SAC3D1: variants seen among roughly 807,000 people sequenced by gnomAD.
SAC3D1 encodes the protein SAC3 domain-containing protein 1.
Under a neutral mutation model 12.7 loss-of-function variants are expected in SAC3D1, and 10 were observed. The ratio of observed to expected loss-of-function variants is 0.79; its 90% CI spans 0.49 to 1.34. SAC3D1 has a LOEUF of 1.34. Ranked by LOEUF, SAC3D1 falls within the 40% of genes most tolerant of loss-of-function variation. SAC3D1 has a pLI of 0.00. For missense variants in SAC3D1, 482 were observed against 531.1 expected, an observed-to-expected ratio of 0.91 and a Z score of 0.91; for synonymous variants, 241 against 250.8, an observed-to-expected ratio of 0.96 and a Z score of 0.37.
At chr11:65,041,997 C>T in intron 1 of SAC3D1, 131 bp downstream of exon 1, 1 of 1,185,362 alleles carries the variant, frequency 8.4e-7, no homozygotes, top group East Asian at 3.3e-5. Context: ...CAAGATCCAC[C>T]GAGCCCCGAC....
rs1346764632 is a variant in SAC3D1, at chr11:65,041,565, CA to C, written c.274del (p.Ile92SerfsTer43). The C allele has an allele frequency of 5.4e-6, 8 of 1,478,486 alleles. No homozygotes were observed. Among genetic ancestry groups the C allele is most frequent in the Non-Finnish European group, 7.1e-6 (8 of 1,120,336 alleles). 91.6% of individuals were successfully genotyped at this position (1,478,486 alleles called of 1,614,324 possible). A position where few individuals can be genotyped will look rare whatever the true frequency, so the allele number is the denominator to read the frequency against. On this transcript the variant is annotated frameshift_variant, in exon 1 of 2. Coordinates refer to ENST00000652489, the MANE Select transcript of SAC3D1 (RefSeq NM_013299.4). LOFTEE classifies it high-confidence loss of function. ...LAGEVAESADIARAEVASFVA... is the reference protein window; with the variant it reads ...LAGEVAESADXARAEVASFVA... ...CCGGTGAGGTGGCGGAGAGCGCCGA[CA>C]TCGCCCGCGCCGAGGTGGCCAGCTT...
chr11:65,044,282 C>T lies in SAC3D1; in HGVS notation c.632C>T (p.Pro211Leu), dbSNP rs374078001. The change falls in exon 2 of 2, where the codon CCG becomes CTG. Residue 211 changes from proline (P) to leucine (L), a missense_variant. By Grantham distance (98) the Pro-to-Leu change is moderately conservative (BLOSUM62 -3). Around this residue, in one of 3 missense-constraint regions of SAC3D1, gnomAD observed 225 missense variants for 241.1 expected, o/e 0.93. Transcript: ENST00000652489. This position sits in a 1 kb window ranked among gnomAD's most constrained non-coding sequence, Gnocchi z 4.0. ...CTGCCTGCTGCCCTGCGCGCCTGCC[C>T]GCCCCTCCGCAAGGCCTTGGCGGTA... The part of the protein sequence containing the change: ...LQLPAALRAC[P>L]PLRKALAVDA... 1.2e-5 allele frequency: 19 copies of T among 1,613,248 alleles called. No homozygotes were observed. Among genetic ancestry groups the T allele is most frequent in the African/African-American group, 4.0e-5 (3 of 75,078 alleles).
chr11:65,044,672 T>C lies in SAC3D1; in HGVS notation c.1022T>C (p.Val341Ala), dbSNP rs1590751940. The change falls in exon 2 of 2, where the codon GTG becomes GCG. Residue 341 changes from valine to alanine, a missense_variant. Transcript: ENST00000652489. This position sits in a 1 kb window ranked among gnomAD's most constrained non-coding sequence, Gnocchi z 4.0. ...SKLRGRTLEE[V>A]VMAEEEDEGT... ...CTTCGAGGACGTACCCTGGAGGAGGTGGTCATGGCAGAGGAGGAAGATGAG... is the reference window on the plus strand; with the variant it reads ...CTTCGAGGACGTACCCTGGAGGAGGCGGTCATGGCAGAGGAGGAAGATGAG... 4.3e-6 allele frequency: 7 copies of C among 1,613,292 alleles called. No homozygotes were observed. The highest frequency in any genetic ancestry group is 5.9e-6 in the Non-Finnish European group (7 of 1,179,948).
chr11:65,043,001 A>G (rs1033298517), intron 1 of SAC3D1: 5 of 424,624 alleles, frequency 1.2e-5, no homozygotes, highest in African/African-American at 1.0e-4. Flanking sequence ...ACACCCGGCT[A>G]ACTTAAAAAA....
In SAC3D1 at chr11:65,041,573, G is replaced by T. The variant is rs974486034; in HGVS notation, c.281G>T (p.Arg94Leu). The T allele has an allele frequency of 6.8e-7, 1 of 1,477,932 alleles. No homozygotes were observed. Among genetic ancestry groups the T allele is most frequent in the East Asian group, 2.9e-5 (1 of 34,298 alleles). 91.6% of individuals were successfully genotyped at this position (1,477,932 alleles called of 1,614,324 possible). The change falls in exon 1 of 2, where the codon CGC becomes CTC. Residue 94 changes from arginine (R) to leucine (L), a missense_variant. Arg to Leu is a moderately radical substitution (Grantham distance 102). Coordinates refer to ENST00000652489, the MANE Select transcript of SAC3D1 (RefSeq NM_013299.4). Reference sequence around the variant, plus strand: ...GTGGCGGAGAGCGCCGACATCGCCCGCGCCGAGGTGGCCAGCTTCGTGGCA... The same window carrying T: ...GTGGCGGAGAGCGCCGACATCGCCCTCGCCGAGGTGGCCAGCTTCGTGGCA... ...GEVAESADIA[R>L]AEVASFVADR...
chr11:65,041,623 G>C lies in SAC3D1; in HGVS notation c.331G>C (p.Asp111His), dbSNP rs1281627960. ...AGACCGCTTGCGAGCTGTGCTCCTG[G>C]ACCTGGCGCTGCAGGGAGCGGGCGA... ...VADRLRAVLLDLALQGAGDAE... is the reference protein window; with the variant it reads ...VADRLRAVLLHLALQGAGDAE... The change falls in exon 1 of 2, where the codon GAC becomes CAC. Residue 111 changes from aspartate (D) to histidine (H), a missense_variant. This residue lies in a region of SAC3D1 where 197 missense variants were observed against 183.2 expected (regional missense o/e 1.08). Transcript: ENST00000652489. 11 of 1,459,858 alleles carry C rather than the reference G, an allele frequency of 7.5e-6. 1 individual carries two copies. The highest frequency in any genetic ancestry group is 2.3e-4 in the Middle Eastern group (1 of 4,344). 90.4% of individuals were successfully genotyped at this position (1,459,858 alleles called of 1,614,324 possible). A position where few individuals can be genotyped will look rare whatever the true frequency, so the allele number is the denominator to read the frequency against.
chr11:65,042,417 C>T (rs1946626274), intron 1 of SAC3D1, among the ~76,000 whole-genome samples: 1 of 151,092 alleles, frequency 6.6e-6, no homozygotes, highest in South Asian at 2.1e-4. Flanking sequence ...CTTTTAACCT[C>T]CCCGCCCAGT....
At position 65,044,339 on chromosome 11, in the gene SAC3D1, G is replaced by C; in HGVS notation, c.689G>C (p.Arg230Pro). 6.2e-7 allele frequency: 1 copy of C among 1,613,386 alleles called. No homozygotes were observed. The highest frequency in any genetic ancestry group is 8.5e-7 in the Non-Finnish European group (1 of 1,180,010). Reference protein sequence around the residue: ...DAAFREGNAARLFRLLQTLPY... With the variant: ...DAAFREGNAAPLFRLLQTLPY... ...GCCTTCCGAGAGGGCAATGCTGCCC[G>C]CCTGTTCCGTCTGCTCCAGACCCTG... The change falls in exon 2 of 2, where the codon CGC becomes CCC. Residue 230 changes from arginine to proline, a missense_variant. By Grantham distance (103) the Arg-to-Pro change is moderately radical. This residue lies in a region of SAC3D1 where 225 missense variants were observed against 241.1 expected (regional missense o/e 0.93). Transcript: ENST00000652489. The surrounding 1 kb of genome is among the most constrained non-coding windows in gnomAD (Gnocchi z 4.0).
chr11:65,041,137 C>G, upstream of SAC3D1: 1 of 754,722 alleles, frequency 1.3e-6, no homozygotes, highest in South Asian at 1.6e-5. Flanking sequence ...CGATGGGCGG[C>G]CCGAAGGCCG....
chr11:65,041,548 G>A lies in SAC3D1; in HGVS notation c.256G>A (p.Val86Met). 1 of 1,476,810 alleles carries A rather than the reference G, an allele frequency of 6.8e-7. No homozygotes were observed. The highest frequency in any genetic ancestry group is 8.9e-7 in the Non-Finnish European group (1 of 1,119,724). 91.5% of individuals were successfully genotyped at this position (1,476,810 alleles called of 1,614,324 possible). A position where few individuals can be genotyped will look rare whatever the true frequency, so the allele number is the denominator to read the frequency against. ...CACCGTGCGCTACCTGGCCGGTGAG[G>A]TGGCGGAGAGCGCCGACATCGCCCG... is the stretch of plus-strand genomic sequence containing the variant. ...LATVRYLAGEVAESADIARAE... is the reference protein window; with the variant it reads ...LATVRYLAGEMAESADIARAE... The change falls in exon 1 of 2, where the codon GTG (valine) becomes ATG (methionine). Residue 86 changes from valine to methionine, a missense_variant. This residue lies in a region of SAC3D1 where 197 missense variants were observed against 183.2 expected (regional missense o/e 1.08). Transcript: ENST00000652489.
rs1946598078 is a variant in SAC3D1 at position 65,041,487 on chromosome 11, G to A, written c.195G>A (p.Pro65=). 2 of 1,471,516 alleles carry A rather than the reference G, an allele frequency of 1.4e-6. No homozygotes were observed. The highest frequency in any genetic ancestry group is 8.9e-7 in the Non-Finnish European group (1 of 1,118,014). 91.2% of individuals were successfully genotyped at this position (1,471,516 alleles called of 1,614,324 possible). A position where few individuals can be genotyped will look rare whatever the true frequency, so the allele number is the denominator to read the frequency against. The change falls in exon 1 of 2, where the codon CCG becomes CCA. Residue 65 remains proline (P), a synonymous_variant. Transcript: ENST00000652489. The part of the protein sequence containing the change: ...SRPAAGKPRP[P]PSQLRPPSVL... ...CCGCCGCCGGCAAGCCCCGGCCCCC[G>A]CCCAGCCAGTTGCGTCCGCCCTCCG...
Position 65,044,826 on chromosome 11 carries a change from G to A in SAC3D1, c.*99G>A. 7.6e-7 allele frequency: 1 copy of A among 1,310,694 alleles called. No homozygotes were observed. The highest frequency in any genetic ancestry group is 1.0e-6 in the Non-Finnish European group (1 of 974,518). 81.2% of individuals were successfully genotyped at this position (1,310,694 alleles called of 1,614,324 possible). A position where few individuals can be genotyped will look rare whatever the true frequency, so the allele number is the denominator to read the frequency against. ...GTAATAAAAGGAACTTGTTTTGTTG[G>A]TACCAGTCACTAGATGTGATTTATT... On this transcript the variant is annotated 3_prime_UTR_variant, in exon 2 of 2. Coordinates refer to ENST00000652489, the MANE Select transcript of SAC3D1 (RefSeq NM_013299.4). This position sits in a 1 kb window ranked among gnomAD's most constrained non-coding sequence, Gnocchi z 4.0.
chr11:65,042,243 G>A (rs1334767500), intron 1 of SAC3D1, among the ~76,000 whole-genome samples: 4 of 151,870 alleles, frequency 2.6e-5, no homozygotes, highest in African/African-American at 7.3e-5. Flanking sequence ...GATCACAGGC[G>A]CGCGCCACCA....
At chr11:65,041,175 A>C (rs10160811), upstream of SAC3D1, 921,140 of 1,013,266 alleles carry the variant, frequency 0.91, 419,675 homozygotes, top group East Asian at 0.94. Flanking sequence ...GCGGGCCCAG[A>C]CAGGTTCAGC....
chr11:65,041,265 G>A lies in SAC3D1; in HGVS notation c.-28G>A. On this transcript the variant is annotated 5_prime_UTR_variant, in exon 1 of 2. Transcript: ENST00000652489. ...AGCACTGCCGTCCCCGGGATGCTGA[G>A]CGCCCACCGTCTCCCCGCAGCCCCC... 1 of 1,488,160 alleles carries A rather than the reference G, an allele frequency of 6.7e-7. No individual in the cohort carries two copies. Among genetic ancestry groups the A allele is most frequent in the Non-Finnish European group, 8.9e-7 (1 of 1,126,918 alleles). 92.2% of individuals were successfully genotyped at this position (1,488,160 alleles called of 1,614,324 possible).
At position 65,043,615 on chromosome 11, in the gene SAC3D1, C is replaced by CAAAAAAAAAA. The variant is rs58109119; in HGVS notation, c.575-591_575-582dup. On this transcript the variant is annotated intron_variant, in intron 1 of 1. Transcript: ENST00000652489. ...CCTGGGTGACAAAGCAAGTCTGTCT[C>CAAAAAAAAAA]AAAAAAAAAAAAAAAAAAAAAAAAA... Among the ~76,000 whole-genome samples the CAAAAAAAAAA allele has an allele frequency of 2.0e-4, 11 of 56,196 alleles. 1 individual carries two copies. Among genetic ancestry groups the CAAAAAAAAAA allele is most frequent in the East Asian group, 6.2e-4 (1 of 1,610 alleles). 36.9% of individuals were successfully genotyped at this position (56,196 alleles called of 152,430 possible).
Position 65,041,724 on chromosome 11 carries a change from G to A in SAC3D1, c.432G>A (p.Ala144=). ...TAGTGGCGCGGCTCGGGCCCGACGC[G>A]GCGCGGGGACCCGCGGACCCGGTGC... ...LTVVARLGPD[A]ARGPADPVLL... The change falls in exon 1 of 2, where the codon GCG becomes GCA. Residue 144 remains alanine (A), a synonymous_variant. Transcript: ENST00000652489. 7.7e-7 allele frequency: 1 copy of A among 1,306,674 alleles called. No homozygotes were observed. The highest frequency in any genetic ancestry group is 9.7e-7 in the Non-Finnish European group (1 of 1,035,016). The allele number at this position is 1,306,674 out of a possible 1,614,324, so 80.9% of individuals were successfully genotyped here.
intron 1 of SAC3D1, chr11:65,043,195 A>G (rs1946642082): frequency 3.2e-6 from 1 of 315,876 alleles, no homozygotes; most frequent in Non-Finnish European, 6.5e-6. Flanking sequence ...GGGGGAAGAA[A>G]TCGAAGCCCA....
In SAC3D1 at chr11:65,041,322, C is replaced by A; in HGVS notation, c.30C>A (p.Thr10=). 6.6e-7 allele frequency: 1 copy of A among 1,509,468 alleles called. No individual in the cohort carries two copies. The allele number at this position is 1,509,468 out of a possible 1,614,324, so 93.5% of individuals were successfully genotyped here. A position where few individuals can be genotyped will look rare whatever the true frequency, so the allele number is the denominator to read the frequency against. MPGCELPVG[T]CPDMCPAAER... ...CCGGCTGCGAGCTGCCCGTGGGCAC[C>A]TGCCCGGACATGTGCCCGGCCGCCG... The change falls in exon 1 of 2, where the codon ACC becomes ACA. Residue 10 remains threonine, a synonymous_variant. Transcript: ENST00000652489.
Sources: allele counts gnomAD v4.1 joint callset (sites outside exome capture counted in the v4.1 genomes callset), GRCh38; gene constraint gnomAD v4.1.1; regional missense constraint gnomAD v4.1.1; non-coding constraint Gnocchi (gnomAD v3.1); transcripts MANE v1.5; gene names NCBI Gene and HGNC (gene_info 2026-07-23, HGNC 2026-07-21).